The following ANKRD24 variants were observed in gnomAD, a reference collection of about 807,000 sequenced individuals.
The protein encoded by ANKRD24 is ankyrin repeat domain 24, also known as ankyrin repeat domain-containing protein 24.
ANKRD24 carries 109 observed loss-of-function variants against 127.8 expected under a neutral mutation model. That is an observed-to-expected ratio of 0.85 (90% CI 0.73 to 1.00). The LOEUF is 1.00. Among genes scored for constraint, ANKRD24 ranks in the 50% least tolerant of loss-of-function variants. ANKRD24 has a pLI of 0.00. For missense variants in ANKRD24, 1,648 were observed against 1,570.2 expected (o/e 1.05, Z -0.84); for synonymous variants, 743 against 671.1 (o/e 1.11, Z -1.66).
At chr19:4,188,146 C>T (rs75624033) in intron 2 of ANKRD24, among the ~76,000 whole-genome samples, 5 of 152,008 alleles carry the variant, frequency 3.3e-5, no homozygotes, top group Admixed American at 2.0e-4. Context: ...GGCTTGATCT[C>T]GGCTCACTGC....
At chr19:4,208,488 G>T (rs1161456394) in intron 10 of ANKRD24, among the ~76,000 whole-genome samples, 1 of 152,026 alleles carries the variant, frequency 6.6e-6, no homozygotes, top group East Asian at 2.0e-4. Flanking sequence ...TCGCCACGTT[G>T]GCCAGGCTGG....
In ANKRD24 at chr19:4,186,542, C is replaced by T. The variant is rs1382221037; in HGVS notation, c.36+81C>T. 6.8e-6 allele frequency: 10 copies of T among 1,475,570 alleles called. No homozygotes were observed. In the East Asian group the frequency reaches 2.0e-4, roughly 29 times the overall value. The allele number at this position is 1,475,570 out of a possible 1,614,324, so 91.4% of individuals were successfully genotyped here. A position where few individuals can be genotyped will look rare whatever the true frequency, so the allele number is the denominator to read the frequency against. On this transcript the variant is annotated intron_variant, in intron 2 of 21. Coordinates refer to ENST00000318934, the MANE Select transcript of ANKRD24 (RefSeq NM_001393985.1). ...CCTGGGGCTTGGCTGAAGATCCACC[C>T]TTTCATTCCAGTACCCACCTCTTCT...
chr19:4,207,471 T>A, intron 8 of ANKRD24, 30 bp from the exon 9 acceptor site: 1 of 1,606,932 alleles, frequency 6.2e-7, no homozygotes, highest in Non-Finnish European at 8.5e-7. Flanking sequence ...CAGTTTCTCA[T>A]GCCATCGCAT....
Position 4,182,697 on chromosome 19 carries a change from C to T in ANKRD24, c.-80C>T, listed in dbSNP as rs1967793576. ...CGCCTCTTGCTGACGCCGCAGGCGA[C>T]ATGTTATCTGCTGTCAGAAGGAAGC... On this transcript the variant is annotated 5_prime_UTR_variant, in exon 1 of 22. Transcript: ENST00000318934. 1.4e-6 allele frequency: 2 copies of T among 1,416,608 alleles called. No individual in the cohort carries two copies. Among genetic ancestry groups the T allele is most frequent in the Admixed American group, 6.6e-5 (2 of 30,266 alleles). The allele number at this position is 1,416,608 out of a possible 1,614,324, so 87.8% of individuals were successfully genotyped here. A position where few individuals can be genotyped will look rare whatever the true frequency, so the allele number is the denominator to read the frequency against.
At chr19:4,200,753 C>A (rs1599420493) in intron 5 of ANKRD24, among the ~76,000 whole-genome samples, 1 of 152,026 alleles carries the variant, frequency 6.6e-6, no homozygotes, top group Admixed American at 6.6e-5. Context: ...AACTCCTGGG[C>A]TCTAAGTGAT....
At chr19:4,211,228 G>T (rs1265518927) in intron 13 of ANKRD24, among the ~76,000 whole-genome samples, 2 of 152,230 alleles carry the variant, frequency 1.3e-5, no homozygotes, top group East Asian at 3.8e-4. Context: ...GGCAGGCATG[G>T]CTGATGGTGC....
At chr19:4,205,208 C>G (rs968122029) in intron 7 of ANKRD24, among the ~76,000 whole-genome samples, 13 of 151,936 alleles carry the variant, frequency 8.6e-5, no homozygotes, top group South Asian at 6.2e-4. Context: ...CCTGCACAGC[C>G]CGGGCAACAG....
At chr19:4,196,364 T>TTA (rs1286565755) in intron 2 of ANKRD24, among the ~76,000 whole-genome samples, 18 of 151,954 alleles carry the variant, frequency 1.2e-4, no homozygotes, top group Non-Finnish European at 2.4e-4. Context: ...TGTTTTAGTT[T>TTA]GTTTGTTTTT....
intron 1 of ANKRD24, 73 bp from the exon 2 acceptor site, chr19:4,186,317 G>A: frequency 6.5e-7 from 1 of 1,535,186 alleles, no homozygotes; most frequent in Non-Finnish European, 8.8e-7. Context: ...CTTTTGAGGA[G>A]GGCGAGGCAA....
At chr19:4,202,803 G>T in intron 6 of ANKRD24, 66 bp from the exon 7 acceptor site, 1 of 1,511,876 alleles carries the variant, frequency 6.6e-7, no homozygotes, top group Non-Finnish European at 9.0e-7. Context: ...GGTAGGGAAG[G>T]CAGTCCTAGA....
chr19:4,183,800 G>T (rs866036842), intron 1 of ANKRD24, among the ~76,000 whole-genome samples: 1 of 152,076 alleles, frequency 6.6e-6, no homozygotes, highest in Non-Finnish European at 1.5e-5. Context: ...GCAGCTGCTC[G>T]GGAGGCTGAG....
At chr19:4,220,018 G>A (rs369592533) in intron 19 of ANKRD24, among the ~76,000 whole-genome samples, 1 of 152,124 alleles carries the variant, frequency 6.6e-6, no homozygotes. Context: ...TCGCTCTGTC[G>A]CCCAGGCTGG....
chr19:4,217,376 G>A lies in ANKRD24; in HGVS notation c.2216G>A (p.Arg739Gln). The change falls in exon 18 of 22, where the codon CGG (arginine) becomes CAG (glutamine). Residue 739 changes from arginine (R) to glutamine (Q), a missense_variant. By Grantham distance (43) the Arg-to-Gln change is conservative. Transcript: ENST00000318934. ...GGCTTGGAGGAGGCTCTCCGGCAGC[G>A]GGAGCGGGAGGCAGCTGCGGAGCTG... ...IRGLEEALRQ[R>Q]EREAAAELEA... is the part of the protein sequence containing the mutation. 1.9e-6 allele frequency: 3 copies of A among 1,550,746 alleles called. No individual in the cohort carries two copies. The highest frequency in any genetic ancestry group is 2.4e-5 in the East Asian group (1 of 40,922).
intron 2 of ANKRD24, among the ~76,000 whole-genome samples, chr19:4,196,328 G>A (rs544351091): frequency 1.3e-4 from 18 of 141,322 alleles, no homozygotes; most frequent in African/African-American, 4.7e-4. Flanking sequence ...GGCTCTGGAA[G>A]ACCTCGGTTT....
intron 1 of ANKRD24, among the ~76,000 whole-genome samples, chr19:4,185,581 C>T (rs1414835316): frequency 1.3e-5 from 2 of 152,214 alleles, no homozygotes; most frequent in Non-Finnish European, 2.9e-5. Flanking sequence ...CCTGCCCATG[C>T]GGAACGTAGA....
chr19:4,203,625 A>T (rs1385853174), intron 7 of ANKRD24, among the ~76,000 whole-genome samples: 1 of 152,166 alleles, frequency 6.6e-6, no homozygotes, highest in South Asian at 2.1e-4. Context: ...CTGGAATTAC[A>T]GGCGTGAGCC....
intron 15 of ANKRD24, among the ~76,000 whole-genome samples, chr19:4,214,994 C>T (rs541729988): frequency 6.6e-6 from 1 of 152,162 alleles, no homozygotes; most frequent in African/African-American, 2.4e-5. Context: ...TGGATACTGT[C>T]GCATCCACTC....
At chr19:4,210,443 AC>A (rs1969657538) in intron 13 of ANKRD24, 71 bp downstream of exon 13, 2 of 1,310,480 alleles carry the variant, frequency 1.5e-6, no homozygotes, top group Non-Finnish European at 2.1e-6. Context: ...AGATCCCCCT[AC>A]TTTTCTCCCA....
At chr19:4,186,268 C>A in intron 1 of ANKRD24, 122 bp from the exon 2 acceptor site, 1 of 1,465,100 alleles carries the variant, frequency 6.8e-7, no homozygotes, top group Non-Finnish European at 9.0e-7. Flanking sequence ...CTGTGTCTTG[C>A]TCTAGGGGCC....
Sources: gnomAD v4.1 joint callset for allele counts (sites outside exome capture counted in the v4.1 genomes callset) on GRCh38, gnomAD v4.1.1 for gene constraint, MANE v1.5 for transcripts, NCBI Gene and HGNC (gene_info 2026-07-23, HGNC 2026-07-21) for gene names.